RMDN1: variants seen among roughly 807,000 people sequenced by gnomAD.
RMDN1 encodes regulator of microtubule dynamics 1.
Under a neutral mutation model 48.9 loss-of-function variants are expected in RMDN1, and 48 were observed. That is an observed-to-expected ratio of 0.98 (90% CI 0.78 to 1.25). RMDN1 has a LOEUF of 1.25. Among genes scored for constraint, RMDN1 ranks in the 50% most tolerant of loss-of-function variants. The pLI is 0.00. For missense variants in RMDN1, 418 were observed against 373.4 expected (o/e 1.12, Z -0.98); for synonymous variants, 148 against 132.6 (o/e 1.12, Z -0.80).
At chr8:86,485,930 C>T (rs565893823) in intron 4 of RMDN1, among the ~76,000 whole-genome samples, 48 of 152,308 alleles carry the variant, frequency 3.2e-4, no homozygotes, top group African/African-American at 1.0e-3. Context: ...TTCACCCTGC[C>T]TTTGGGTTCT....
At chr8:86,486,176 T>C (rs1186538901) in intron 4 of RMDN1, among the ~76,000 whole-genome samples, 2 of 152,198 alleles carry the variant, frequency 1.3e-5, no homozygotes, top group African/African-American at 2.4e-5. Context: ...AATATAGATA[T>C]AGGTAATTCA....
At chr8:86,482,570 A>G (rs1452609898) in intron 5 of RMDN1, 2 of 743,840 alleles carry the variant, frequency 2.7e-6, no homozygotes, top group African/African-American at 1.7e-5. Flanking sequence ...AAATTCACTA[A>G]GAAGTTAATG....
intron 2 of RMDN1, among the ~76,000 whole-genome samples, chr8:86,497,498 C>T (rs1013986036): frequency 6.6e-6 from 1 of 151,368 alleles, no homozygotes; most frequent in Non-Finnish European, 1.5e-5. Flanking sequence ...GTCAGGAGTT[C>T]GAGACCAGCC....
Position 86,500,069 on chromosome 8 carries a change from C to G in RMDN1, c.247+6926G>C, listed in dbSNP as rs115133090. Among the ~76,000 whole-genome samples the G allele has an allele frequency of 7.0e-3, 1,069 of 152,210 alleles. 22 individuals are homozygous for G. The highest frequency in any genetic ancestry group is 0.024 in the African/African-American group (994 of 41,510). On this transcript the variant is annotated intron_variant, in intron 2 of 9. Transcript: ENST00000406452. ...AAAGACTTAAATATAAGACCTACAACTATAAAAACCTAGAAGAAAACCTAG... is the reference window on the plus strand; with the variant it reads ...AAAGACTTAAATATAAGACCTACAAGTATAAAAACCTAGAAGAAAACCTAG...
downstream of RMDN1, chr8:86,470,394 C>G: frequency 7.8e-7 from 1 of 1,284,200 alleles, no homozygotes; most frequent in Non-Finnish European, 1.0e-6. Flanking sequence ...CAATGTGACA[C>G]GTGGGGAATC....
chr8:86,510,894 G>A (rs891585799), upstream of RMDN1, among the ~76,000 whole-genome samples: 18 of 152,232 alleles, frequency 1.2e-4, no homozygotes, highest in Middle Eastern at 3.4e-3. Context: ...AGGCCAAATC[G>A]GGAGAACAGC....
At chr8:86,497,054 G>A (rs796244825) in intron 2 of RMDN1, among the ~76,000 whole-genome samples, 9 of 152,272 alleles carry the variant, frequency 5.9e-5, no homozygotes, top group African/African-American at 2.2e-4. Flanking sequence ...GGTAAACAAT[G>A]AAATTAAAGC....
chr8:86,480,361 A>G (rs1236966763), intron 5 of RMDN1, 29 bp from the exon 6 acceptor site: 1 of 1,332,792 alleles, frequency 7.5e-7, no homozygotes, highest in African/African-American at 1.5e-5. Flanking sequence ...AATAAATCAT[A>G]TTTGTTTTCT....
chr8:86,475,373 A>G (rs534242701), intron 8 of RMDN1, among the ~76,000 whole-genome samples: 76 of 152,286 alleles, frequency 5.0e-4, no homozygotes, highest in Middle Eastern at 3.4e-3. Flanking sequence ...GAATAAGTGA[A>G]TGAAATGATG....
chr8:86,483,242 T>C (rs1281870094), intron 5 of RMDN1, among the ~76,000 whole-genome samples: 1 of 152,244 alleles, frequency 6.6e-6, no homozygotes, highest in African/African-American at 2.4e-5. Context: ...ATTTGAAAGC[T>C]TATATAAAAC....
At chr8:86,505,191 G>A (rs541306462) in intron 2 of RMDN1, 31 of 849,308 alleles carry the variant, frequency 3.7e-5, no homozygotes, top group Admixed American at 9.3e-5. Flanking sequence ...CTTATCCCAC[G>A]CACTCCATGC....
chr8:86,498,842 C>T lies in RMDN1; in HGVS notation c.247+8153G>A, dbSNP rs565880182. 2.8e-5 allele frequency among the ~76,000 whole-genome samples: 4 copies of T among 142,462 alleles called. No individual in the cohort carries two copies. The South Asian group carries it at 9.4e-4, about 34-fold the overall frequency. 93.5% of individuals were successfully genotyped at this position (142,462 alleles called of 152,430 possible). The stretch of plus-strand genomic sequence containing the variant: ...CAAAAAAGTATTTGCAAACTGAATC[C>T]AGCAGCACATTGAAAAGATAATACA... On this transcript the variant is annotated intron_variant, in intron 2 of 9. Transcript: ENST00000406452.
At chr8:86,487,791 C>G (rs563937464) in intron 3 of RMDN1, among the ~76,000 whole-genome samples, 15 of 151,968 alleles carry the variant, frequency 9.9e-5, no homozygotes, top group Non-Finnish European at 1.8e-4. Context: ...AAATGCCAAA[C>G]CAGCCACCTT....
chr8:86,469,187 C>A (rs56365416), downstream of RMDN1, among the ~76,000 whole-genome samples: 46,419 of 150,812 alleles, frequency 0.31, 8,864 homozygotes, highest in Middle Eastern at 0.45. Context: ...TTTGTCCCGC[C>A]CCCCCCATGT....
chr8:86,492,746 T>C, intron 2 of RMDN1, among the ~76,000 whole-genome samples: 1 of 151,484 alleles, frequency 6.6e-6, no homozygotes, highest in East Asian at 1.9e-4. Context: ...CAAGTGGGTA[T>C]CTGGTACCAC....
chr8:86,474,880 A>G lies in RMDN1; in HGVS notation c.834T>C (p.Leu278=). 6.2e-7 allele frequency: 1 copy of G among 1,613,252 alleles called. No individual in the cohort carries two copies. The highest frequency in any genetic ancestry group is 1.1e-5 in the South Asian group (1 of 90,894). The change falls in exon 9 of 10, where the codon CTT becomes CTC. Residue 278 remains leucine (L), a synonymous_variant. Coordinates refer to ENST00000406452, the MANE Select transcript of RMDN1 (RefSeq NM_016033.3). The part of the protein sequence containing the change: ...KTYLKLHNKK[L]AAFWLMKAKD... ...TGGCTTTCATTAGCCAGAAAGCAGC[A>G]AGCTTTTTGTTGTGTAGTTTCAAGT...
chr8:86,481,456 C>T (rs894517908), intron 5 of RMDN1, among the ~76,000 whole-genome samples: 1 of 151,776 alleles, frequency 6.6e-6, no homozygotes, highest in South Asian at 2.1e-4. Flanking sequence ...TTTTCTATTT[C>T]CTAAGAATGA....
chr8:86,492,333 T>C (rs1816650010), intron 2 of RMDN1, among the ~76,000 whole-genome samples: 1 of 152,142 alleles, frequency 6.6e-6, no homozygotes, highest in Non-Finnish European at 1.5e-5. Flanking sequence ...TAGCATACCT[T>C]GGGGCTTTAA....
At chr8:86,505,143 C>T in intron 2 of RMDN1, 5 of 1,248,540 alleles carry the variant, frequency 4.0e-6, no homozygotes, top group Non-Finnish European at 5.3e-6. Context: ...TCAGGATGAA[C>T]CCAGGACTGC....
Sources: gnomAD v4.1 joint callset for allele counts (sites outside exome capture counted in the v4.1 genomes callset) on GRCh38, gnomAD v4.1.1 for gene constraint, MANE v1.5 for transcripts, NCBI Gene and HGNC (gene_info 2026-07-23, HGNC 2026-07-21) for gene names.